CNTNAP2: variants seen among roughly 807,000 people sequenced by gnomAD.
CNTNAP2 encodes contactin associated protein 2, also known as contactin-associated protein-like 2.
CNTNAP2 carries 98 observed loss-of-function variants against 155.2 expected under a neutral mutation model. The observed-to-expected ratio is 0.63, with a 90% CI of 0.54 to 0.75. The LOEUF (loss-of-function observed/expected upper bound fraction) is 0.75. Among genes scored for constraint, CNTNAP2 ranks in the 30% least tolerant of loss-of-function variants. The pLI is 0.00. For missense variants in CNTNAP2, 1,727 were observed against 1,688.1 expected, an observed-to-expected ratio of 1.02 and a Z score of -0.40; for synonymous variants, 651 against 631.2, an observed-to-expected ratio of 1.03 and a Z score of -0.47.
intron 13 of CNTNAP2, among the ~76,000 whole-genome samples, chr7:147,699,338 A>G (rs1458665546): frequency 6.6e-6 from 1 of 152,014 alleles, no homozygotes; most frequent in Non-Finnish European, 1.5e-5. Context: ...TTCTCAGCAA[A>G]CTAACACAGG....
intron 2 of CNTNAP2, among the ~76,000 whole-genome samples, chr7:146,794,630 T>C (rs1283191704): frequency 6.6e-6 from 1 of 152,148 alleles, no homozygotes; most frequent in African/African-American, 2.4e-5. Context: ...TCCCATGGTG[T>C]CTGTTGTATG....
intron 13 of CNTNAP2, among the ~76,000 whole-genome samples, chr7:147,836,054 A>G (rs1798628066): frequency 6.6e-6 from 1 of 152,126 alleles, no homozygotes; most frequent in Non-Finnish European, 1.5e-5. Flanking sequence ...TTAGGCCATC[A>G]AGTTTGTGGT....
chr7:147,112,655 T>C (rs369341820), intron 5 of CNTNAP2, among the ~76,000 whole-genome samples: 1 of 152,234 alleles, frequency 6.6e-6, no homozygotes, highest in African/African-American at 2.4e-5. Flanking sequence ...TAGATCTCTT[T>C]GTGTGATTAA....
At chr7:148,154,918 C>T (rs2116663916) in intron 17 of CNTNAP2, among the ~76,000 whole-genome samples, 1 of 150,498 alleles carries the variant, frequency 6.6e-6, no homozygotes, top group South Asian at 2.1e-4. Context: ...GCCTGGGTGA[C>T]AGAGTGAGAC....
At chr7:147,202,586 G>A (rs971262386) in intron 8 of CNTNAP2, among the ~76,000 whole-genome samples, 5 of 152,098 alleles carry the variant, frequency 3.3e-5, no homozygotes, top group African/African-American at 9.7e-5. Context: ...GTAGGAAAAT[G>A]TGGCACATAT....
chr7:147,462,660 G>A (rs1034128759), intron 10 of CNTNAP2, among the ~76,000 whole-genome samples: 13 of 152,182 alleles, frequency 8.5e-5, no homozygotes, highest in African/African-American at 2.4e-4. Flanking sequence ...TTCCATAAAC[G>A]AGTTAAGACC....
chr7:147,553,865 G>C (rs1163620143), intron 11 of CNTNAP2, among the ~76,000 whole-genome samples: 1 of 152,148 alleles, frequency 6.6e-6, no homozygotes, highest in South Asian at 2.1e-4. Context: ...CAGCTACCAA[G>C]GCAGGAGAAT....
intron 13 of CNTNAP2, among the ~76,000 whole-genome samples, chr7:147,671,024 T>C (rs1321679610): frequency 6.6e-6 from 1 of 152,236 alleles, no homozygotes; most frequent in African/African-American, 2.4e-5. Context: ...TTGCTCCTGC[T>C]GGTGCCCAAA....
chr7:146,931,826 A>G (rs1174474333), intron 3 of CNTNAP2, among the ~76,000 whole-genome samples: 1 of 152,108 alleles, frequency 6.6e-6, no homozygotes, highest in African/African-American at 2.4e-5. Flanking sequence ...CAAATAAACT[A>G]GAAAATCTAG....
At chr7:148,359,433 G>A (rs1275202248) in intron 21 of CNTNAP2, among the ~76,000 whole-genome samples, 1 of 152,238 alleles carries the variant, frequency 6.6e-6, no homozygotes, top group African/African-American at 2.4e-5. Flanking sequence ...TTGCCTTTTT[G>A]TAGGGAGAGC....
intron 11 of CNTNAP2, among the ~76,000 whole-genome samples, chr7:147,494,569 G>A (rs1016570373): frequency 2.0e-5 from 3 of 151,044 alleles, no homozygotes; most frequent in Non-Finnish European, 4.4e-5. Context: ...GCTATAAAAT[G>A]CCAGTGCTAG....
chr7:147,324,322 A>T (rs1165383662), intron 9 of CNTNAP2, among the ~76,000 whole-genome samples: 7 of 152,226 alleles, frequency 4.6e-5, no homozygotes, highest in South Asian at 2.1e-4. Flanking sequence ...ACCATATTTT[A>T]AAAACTATTA....
At chr7:147,062,082 C>T (rs373287452) in intron 4 of CNTNAP2, among the ~76,000 whole-genome samples, 12 of 127,436 alleles carry the variant, frequency 9.4e-5, no homozygotes, top group East Asian at 2.6e-4. Flanking sequence ...GAGCCGAGAT[C>T]GCACCACTGC....
At chr7:148,173,521 C>T (rs540378117) in intron 18 of CNTNAP2, among the ~76,000 whole-genome samples, 41 of 152,298 alleles carry the variant, frequency 2.7e-4, no homozygotes, top group African/African-American at 9.4e-4. Flanking sequence ...ATTCTCTGTA[C>T]CTCCAGGCTA....
intron 1 of CNTNAP2, among the ~76,000 whole-genome samples, chr7:146,601,856 A>G (rs1309655851): frequency 6.6e-6 from 1 of 152,130 alleles, no homozygotes; most frequent in African/African-American, 2.4e-5. Context: ...TCCATATACC[A>G]TTTCTTATAC....
At chr7:147,259,597 A>ACAAAGGACATT (rs1411173169) in intron 8 of CNTNAP2, among the ~76,000 whole-genome samples, 1 of 152,214 alleles carries the variant, frequency 6.6e-6, no homozygotes, top group African/African-American at 2.4e-5. Context: ...GAACAACTGT[A>ACAAAGGACATT]TATGGAGGAC....
At chr7:146,276,642 C>T (rs1397505746) in intron 1 of CNTNAP2, among the ~76,000 whole-genome samples, 1 of 152,158 alleles carries the variant, frequency 6.6e-6, no homozygotes, top group East Asian at 1.9e-4. Context: ...AAGCCATAGC[C>T]TGCCCTGCCA....
intron 1 of CNTNAP2, among the ~76,000 whole-genome samples, chr7:146,666,877 A>G (rs1800204697): frequency 6.6e-6 from 1 of 152,086 alleles, no homozygotes; most frequent in African/African-American, 2.4e-5. Flanking sequence ...TGTGTATTCT[A>G]GATGTGAATC....
chr7:146,118,240 C>A (rs1797515315), intron 1 of CNTNAP2, among the ~76,000 whole-genome samples: 1 of 152,022 alleles, frequency 6.6e-6, no homozygotes, highest in African/African-American at 2.4e-5. Context: ...TTTCTTTTCC[C>A]ACAATGTGTA....
Sources: allele counts gnomAD v4.1 joint callset (sites outside exome capture counted in the v4.1 genomes callset), GRCh38; gene constraint gnomAD v4.1.1; transcripts MANE v1.5; gene names NCBI Gene and HGNC (gene_info 2026-07-23, HGNC 2026-07-21).